Variants in TASOR2 observed in about 807,000 individuals in gnomAD.
TASOR2 encodes protein TASOR 2.
A neutral mutation model predicts 199.5 loss-of-function variants in TASOR2; 84 were observed. The ratio of observed to expected loss-of-function variants is 0.42; its 90% CI spans 0.35 to 0.50. The LOEUF is 0.50. Ranked by LOEUF, TASOR2 falls within the 20% of genes least tolerant of loss-of-function variation. The pLI is 0.02. For missense variants in TASOR2, 2,796 were observed against 2,835.9 expected (o/e 0.99, Z 0.32); for synonymous variants, 1,103 against 1,046.6 (o/e 1.05, Z -1.04).
chr10:5,705,183 G>T (rs1838424015), intron 1 of TASOR2, among the ~76,000 whole-genome samples: 1 of 152,136 alleles, frequency 6.6e-6, no homozygotes, highest in Non-Finnish European at 1.5e-5. Flanking sequence ...CCCTGCTGTA[G>T]GCAACTAATG....
chr10:5,729,036 A>G (rs996426026), intron 10 of TASOR2, among the ~76,000 whole-genome samples: 1 of 152,146 alleles, frequency 6.6e-6, no homozygotes, highest in Non-Finnish European at 1.5e-5. Context: ...CTTTTTGCCT[A>G]TATTTGTATC....
chr10:5,761,560 G>A, intron 19 of TASOR2, 89 bp downstream of exon 20: 2 of 1,155,166 alleles, frequency 1.7e-6, no homozygotes, highest in South Asian at 1.5e-5. Flanking sequence ...AGAGTATCAG[G>A]TATCTAAATG....
At chr10:5,703,568 A>G (rs926424713) in intron 1 of TASOR2, among the ~76,000 whole-genome samples, 4 of 144,832 alleles carry the variant, frequency 2.8e-5, no homozygotes, top group Admixed American at 7.2e-5. Context: ...CAGTGGCACA[A>G]TCTCGGCTCA....
At chr10:5,724,471 C>A (rs369992459) in exon 8 of TASOR2, 21 of 1,541,164 alleles carry the variant, frequency 1.4e-5, no homozygotes, top group Non-Finnish European at 1.8e-5. Flanking sequence ...TGAGGTAGAA[C>A]TGTCAAACAG....
At chr10:5,739,651 A>C in exon 13 of TASOR2, 1 of 1,613,350 alleles carries the variant, frequency 6.2e-7, no homozygotes, top group Non-Finnish European at 8.5e-7. Flanking sequence ...CTTCAATCAG[A>C]AATTTCAAGA....
chr10:5,761,318 A>G lies in TASOR2; in HGVS notation c.7021A>G (p.Ile2341Val), dbSNP rs564465713. Residue 2341 changes from isoleucine (I) to valine (V), a missense_variant, in exon 19 of 21, where the codon ATA (isoleucine) becomes GTA (valine). By Grantham distance (29) the Ile-to-Val change is conservative. This residue lies in a region of TASOR2 where 1,941 missense variants were observed against 1,924.9 expected (regional missense o/e 1.01). Coordinates refer to ENST00000328090, the Ensembl canonical transcript of TASOR2. ...GGATTCAACTGCACATAAGAAGAAC[A>G]TAATGTTGAAGTCATTTCAGAGTGC... is the stretch of plus-strand genomic sequence containing the variant. 3.7e-6 allele frequency: 6 copies of G among 1,613,874 alleles called. No homozygotes were observed. The South Asian group carries it at 5.5e-5, about 15-fold the overall frequency.
At chr10:5,731,001 G>A in exon 11 of TASOR2, 2 of 1,614,134 alleles carry the variant, frequency 1.2e-6, no homozygotes, top group Non-Finnish European at 1.7e-6. Context: ...AAGCAAAGAA[G>A]AGAGTTTTTC....
intron 19 of TASOR2, among the ~76,000 whole-genome samples, chr10:5,762,017 C>A (rs1378470242): frequency 6.6e-6 from 1 of 152,156 alleles, no homozygotes; most frequent in Non-Finnish European, 1.5e-5. Context: ...TGGCTCACGC[C>A]TGTAATGCCA....
Position 5,742,082 on chromosome 10 carries a change from T to C in TASOR2, c.2328-15T>C. The C allele has an allele frequency of 1.2e-6, 2 of 1,602,860 alleles. No individual in the cohort carries two copies. The highest frequency in any genetic ancestry group is 1.7e-6 in the Non-Finnish European group (2 of 1,177,500). On this transcript the variant is annotated splice_polypyrimidine_tract_variant and intron_variant, in intron 13 of 20. Coordinates refer to ENST00000328090, the Ensembl canonical transcript of TASOR2. This position sits in a 1 kb window ranked among gnomAD's most constrained non-coding sequence, Gnocchi z 4.2. ...TTTTCAATGATTTTCATGTGTTCTTTCTGTAAACTCTTAGGCCCTGGAATA... is the reference window on the plus strand; with the variant it reads ...TTTTCAATGATTTTCATGTGTTCTTCCTGTAAACTCTTAGGCCCTGGAATA...
rs1413684490 is a variant in TASOR2, at chr10:5,720,006, G to A, written c.-99-538G>A. 6.6e-6 allele frequency among the ~76,000 whole-genome samples: 1 copy of A among 152,116 alleles called. No individual in the cohort carries two copies. The highest frequency in any genetic ancestry group is 1.5e-5 in the Non-Finnish European group (1 of 68,014). On this transcript the variant is annotated intron_variant, in intron 3 of 20. Transcript: ENST00000328090. This position sits in a 1 kb window ranked among gnomAD's most constrained non-coding sequence, Gnocchi z 5.3. ...GTGATTCGTATATTTCTTTGATATT[G>A]TGATAAAAACTATGGATATTTGTCT...
intron 15 of TASOR2, among the ~76,000 whole-genome samples, chr10:5,755,721 A>G (rs576036185): frequency 3.7e-4 from 57 of 152,282 alleles, no homozygotes; most frequent in African/African-American, 1.2e-3. Context: ...GCCACGGTTC[A>G]TGCCCGGAAT....
intron 1 of TASOR2, among the ~76,000 whole-genome samples, chr10:5,707,726 T>TCACACACG (rs1554756120): frequency 2.3e-5 from 3 of 129,198 alleles, no homozygotes; most frequent in African/African-American, 9.5e-5. Flanking sequence ...TCACTCATTT[T>TCACACACG]CACACACACA....
rs762025721 is a variant in TASOR2 at position 5,742,325 on chromosome 10, G to T, written c.2556G>T (p.Leu852=). 3.1e-6 allele frequency: 5 copies of T among 1,614,064 alleles called. No individual in the cohort carries two copies. Among genetic ancestry groups the T allele is most frequent in the Non-Finnish European group, 4.2e-6 (5 of 1,180,048 alleles). ...TGGAAAAATGTTCTGCAGACTCTCTGTTGGAGACTAACGAAATTTCCAGGG... is the reference window on the plus strand; with the variant it reads ...TGGAAAAATGTTCTGCAGACTCTCTTTTGGAGACTAACGAAATTTCCAGGG... Residue 852 remains leucine, a synonymous_variant, in exon 14 of 21, where the codon CTG becomes CTT. Coordinates refer to ENST00000328090, the Ensembl canonical transcript of TASOR2. This position sits in a 1 kb window ranked among gnomAD's most constrained non-coding sequence, Gnocchi z 4.2.
intron 15 of TASOR2, among the ~76,000 whole-genome samples, chr10:5,753,475 G>T (rs1291450510): frequency 6.6e-6 from 1 of 152,114 alleles, no homozygotes; most frequent in Non-Finnish European, 1.5e-5. Flanking sequence ...CCATTCTCCT[G>T]CCTCTGCCTC....
intron 8 of TASOR2, among the ~76,000 whole-genome samples, chr10:5,726,276 C>T (rs182944712): frequency 2.6e-5 from 4 of 152,246 alleles, no homozygotes; most frequent in Admixed American, 2.0e-4. Flanking sequence ...ATTAAAATTT[C>T]AAGACTTTTT....
intron 2 of TASOR2, among the ~76,000 whole-genome samples, chr10:5,715,606 G>A (rs1313953469): frequency 6.6e-6 from 1 of 151,542 alleles, no homozygotes; most frequent in African/African-American, 2.4e-5. Context: ...TTAACAATGG[G>A]GATACATTCC....
chr10:5,712,424 C>CG, intron 1 of TASOR2: 1 of 1,231,694 alleles, frequency 8.1e-7, no homozygotes, highest in Non-Finnish European at 1.0e-6. Context: ...AGTTCAGACT[C>CG]TCTCTTCCAG....
chr10:5,758,454 C>A (rs1839289821), intron 17 of TASOR2, among the ~76,000 whole-genome samples: 1 of 152,130 alleles, frequency 6.6e-6, no homozygotes, highest in Admixed American at 6.6e-5. Context: ...TGGAGGATTA[C>A]TTGAGCCCAG....
At position 5,738,581 on chromosome 10, in the gene TASOR2, T is replaced by TC. The variant is rs1468913135; in HGVS notation, c.1448-1033dup. Among the ~76,000 whole-genome samples, 5 of 152,232 alleles carry TC rather than the reference T, an allele frequency of 3.3e-5. No homozygotes were observed. Among genetic ancestry groups the TC allele is most frequent in the Non-Finnish European group, 5.9e-5 (4 of 68,036 alleles). On this transcript the variant is annotated intron_variant, in intron 12 of 20. Transcript: ENST00000328090. The surrounding 1 kb of genome is among the most constrained non-coding windows in gnomAD (Gnocchi z 4.7). ...GCAGTCGTTGATCAGTTTAACCCTT[T>TC]CCCCATGTATGTGCATGCCCTTGTC...
Sources: gnomAD v4.1 joint callset for allele counts (sites outside exome capture counted in the v4.1 genomes callset) on GRCh38, gnomAD v4.1.1 for gene constraint, gnomAD v4.1.1 regional missense constraint, Gnocchi (gnomAD v3.1) non-coding constraint, MANE v1.5 for transcripts, NCBI Gene and HGNC (gene_info 2026-07-23, HGNC 2026-07-21) for gene names.